Variants in CNTNAP2 observed in about 807,000 individuals in gnomAD.
CNTNAP2 encodes the protein contactin-associated protein-like 2.
In CNTNAP2, 98 loss-of-function variants were observed where a neutral mutation model predicts 155.2. That is an observed-to-expected ratio of 0.63 (90% CI 0.54 to 0.75). CNTNAP2 has a LOEUF of 0.75. Among genes scored for constraint, CNTNAP2 ranks in the 30% least tolerant of loss-of-function variants. The pLI, the probability that CNTNAP2 is intolerant of heterozygous loss-of-function variation, is 0.00. For missense variants in CNTNAP2, 1,727 were observed against 1,688.1 expected, an observed-to-expected ratio of 1.02 and a Z score of -0.40; for synonymous variants, 651 against 631.2, an observed-to-expected ratio of 1.03 and a Z score of -0.47.
intron 9 of CNTNAP2, among the ~76,000 whole-genome samples, chr7:147,347,494 A>C (rs1795897425): frequency 9.7e-6 from 1 of 103,246 alleles, no homozygotes; most frequent in African/African-American, 3.2e-5. Flanking sequence ...ATATATATGC[A>C]TATATATGTG....
intron 3 of CNTNAP2, among the ~76,000 whole-genome samples, chr7:146,868,609 A>G (rs867643802): frequency 1.3e-5 from 2 of 152,280 alleles, no homozygotes; most frequent in Middle Eastern, 3.4e-3. Flanking sequence ...TTTGGGCTGT[A>G]TAGCCATATT....
intron 8 of CNTNAP2, among the ~76,000 whole-genome samples, chr7:147,134,543 A>T (rs1437453904): frequency 6.6e-6 from 1 of 151,830 alleles, no homozygotes; most frequent in Admixed American, 6.6e-5. Flanking sequence ...ACACATACAT[A>T]CATAGTGGAA....
intron 1 of CNTNAP2, among the ~76,000 whole-genome samples, chr7:146,620,855 T>C (rs1799305372): frequency 6.6e-6 from 1 of 152,208 alleles, no homozygotes. Context: ...TTAAATTGAA[T>C]AATTTTAAAA....
chr7:146,351,065 A>T (rs1794907830), intron 1 of CNTNAP2, among the ~76,000 whole-genome samples: 2 of 150,814 alleles, frequency 1.3e-5, no homozygotes, highest in Admixed American at 6.6e-5. Context: ...GCATTAGGAG[A>T]TACACCTAAT....
chr7:146,471,326 G>C (rs17170100), intron 1 of CNTNAP2, among the ~76,000 whole-genome samples: 1 of 152,030 alleles, frequency 6.6e-6, no homozygotes, highest in Admixed American at 6.5e-5. Flanking sequence ...GTCTTAAGTC[G>C]AACCTTTGAT....
chr7:148,324,192 C>T (rs992142493), intron 21 of CNTNAP2, among the ~76,000 whole-genome samples: 1 of 152,024 alleles, frequency 6.6e-6, no homozygotes, highest in African/African-American at 2.4e-5. Flanking sequence ...GCCTCTGAAA[C>T]CCCATTTAAT....
At chr7:148,337,026 G>A (rs1330204794) in intron 21 of CNTNAP2, among the ~76,000 whole-genome samples, 1 of 148,766 alleles carries the variant, frequency 6.7e-6, no homozygotes, top group Non-Finnish European at 1.5e-5. Flanking sequence ...ACATATATAG[G>A]AAGGTGCCTA....
intron 11 of CNTNAP2, among the ~76,000 whole-genome samples, chr7:147,522,598 G>C (rs1386125260): frequency 6.6e-6 from 1 of 151,944 alleles, no homozygotes; most frequent in Non-Finnish European, 1.5e-5. Flanking sequence ...CAAATGGCTT[G>C]GTGGGATAAG....
At chr7:148,132,706 G>A (rs1399870102) in intron 16 of CNTNAP2, among the ~76,000 whole-genome samples, 1 of 152,196 alleles carries the variant, frequency 6.6e-6, no homozygotes, top group Non-Finnish European at 1.5e-5. Context: ...TCTCCACAGG[G>A]AAAGTTTTTA....
chr7:147,048,778 G>A (rs1391464593), intron 4 of CNTNAP2, among the ~76,000 whole-genome samples: 2 of 152,068 alleles, frequency 1.3e-5, no homozygotes, highest in African/African-American at 2.4e-5. Flanking sequence ...GCAGCTTAGA[G>A]GAACCAAAAC....
chr7:146,897,578 C>T lies in CNTNAP2; in HGVS notation c.402+57674C>T, dbSNP rs369700051. On this transcript the variant is annotated intron_variant, in intron 3 of 23. Transcript: ENST00000361727. ...TTATACACTGATTTCTTGCTCAGTA[C>T]GCAGATTTTTTTTTTTTCTTGGCCT... 4.2e-3 allele frequency among the ~76,000 whole-genome samples: 637 copies of T among 151,746 alleles called. 4 individuals carry two copies. Among genetic ancestry groups the T allele is most frequent in the African/African-American group, 0.014 (584 of 41,408 alleles).
intron 3 of CNTNAP2, among the ~76,000 whole-genome samples, chr7:146,852,205 A>C (rs1363876806): frequency 6.6e-6 from 1 of 152,136 alleles, no homozygotes; most frequent in Admixed American, 6.5e-5. Context: ...TAAAGTTATG[A>C]CATTAAAAGT....
intron 3 of CNTNAP2, among the ~76,000 whole-genome samples, chr7:146,867,886 T>C (rs577172088): frequency 1.4e-5 from 2 of 144,212 alleles, no homozygotes; most frequent in South Asian, 2.5e-4. Flanking sequence ...TTTTCTCTCA[T>C]AAATTTTAAG....
intron 13 of CNTNAP2, chr7:147,643,356 A>AT (rs373148139): frequency 6.6e-6 from 1 of 152,146 alleles, no homozygotes. Flanking sequence ...CTTCTGAGTC[A>AT]TTTTTTACAC....
At chr7:147,345,617 C>T (rs1042606385) in intron 9 of CNTNAP2, among the ~76,000 whole-genome samples, 3 of 152,162 alleles carry the variant, frequency 2.0e-5, no homozygotes, top group African/African-American at 7.2e-5. Context: ...ACTTGGCTAA[C>T]ATATGGTTGC....
At chr7:146,419,609 G>A (rs1002453935) in intron 1 of CNTNAP2, among the ~76,000 whole-genome samples, 1 of 152,090 alleles carries the variant, frequency 6.6e-6, no homozygotes, top group South Asian at 2.1e-4. Context: ...AAATGGGCAA[G>A]AGTTGAATAG....
chr7:146,931,856 T>C (rs1016523012), intron 3 of CNTNAP2, among the ~76,000 whole-genome samples: 15 of 152,106 alleles, frequency 9.9e-5, no homozygotes, highest in East Asian at 3.9e-4. Flanking sequence ...ATACATTCCT[T>C]GACACATACA....
In CNTNAP2 at chr7:147,565,672, G is replaced by A. The variant is rs370524583; in HGVS notation, c.1897+3415G>A. Among the ~76,000 whole-genome samples, 5 of 152,282 alleles carry A rather than the reference G, an allele frequency of 3.3e-5. No individual in the cohort carries two copies. In the South Asian group the frequency reaches 1.0e-3, roughly 32 times the overall value. ...GTTTGGATGAGAATGTTTAAAGAGA[G>A]ACAGTTATCAATACTAACTTCTCAA... On this transcript the variant is annotated intron_variant, in intron 12 of 23. Coordinates refer to ENST00000361727, the MANE Select transcript of CNTNAP2 (RefSeq NM_014141.6).
intron 15 of CNTNAP2, among the ~76,000 whole-genome samples, chr7:148,023,155 G>A (rs187778606): frequency 1.6e-4 from 24 of 152,186 alleles, no homozygotes; most frequent in African/African-American, 2.9e-4. Flanking sequence ...GAAATTACCC[G>A]TTTCCAATAT....
Sources: allele counts gnomAD v4.1 joint callset (sites outside exome capture counted in the v4.1 genomes callset), GRCh38; gene constraint gnomAD v4.1.1; transcripts MANE v1.5; gene names NCBI Gene and HGNC (gene_info 2026-07-23, HGNC 2026-07-21).